Variants in POLR2J observed in about 807,000 individuals in gnomAD.
POLR2J encodes DNA-directed RNA polymerase II subunit RPB11-a.
In POLR2J, 12 loss-of-function variants were observed where a neutral mutation model predicts 13.4. The observed-to-expected ratio is 0.90, with a 90% CI of 0.57 to 1.45. The LOEUF is 1.45. Ranked by LOEUF, POLR2J falls within the 40% of genes most tolerant of loss-of-function variation. The pLI is 0.00. For synonymous variants in POLR2J, 31 were observed against 53.6 expected, an observed-to-expected ratio of 0.58 and a Z score of 1.84; for missense variants, 58 against 132.0, an observed-to-expected ratio of 0.44 and a Z score of 2.75.
intron 3 of POLR2J, chr7:102,474,053 C>A: frequency 6.9e-7 from 1 of 1,448,916 alleles, no homozygotes; most frequent in African/African-American, 1.4e-5. Context: ...CAGGCCTTGC[C>A]AATCACCAAC....
intron 3 of POLR2J, 162 bp downstream of exon 3, chr7:102,474,197 CCT>C: frequency 6.5e-7 from 1 of 1,549,882 alleles, no homozygotes; most frequent in South Asian, 1.2e-5. Flanking sequence ...CTCCACAGCC[CCT>C]CAGTCCACAT....
At position 102,473,219 on chromosome 7, in the gene POLR2J, A is replaced by T. The variant is rs1798282176; in HGVS notation, c.*430T>A. The stretch of plus-strand genomic sequence containing the variant: ...TGCAGGAAGAAGTGTTCCTGCTTTG[A>T]CTGACAGGCAGGCCCAGGAGTTGAG... On this transcript the variant is annotated 3_prime_UTR_variant, in exon 4 of 4. Coordinates refer to ENST00000292614, the MANE Select transcript of POLR2J (RefSeq NM_006234.6). The T allele has an allele frequency of 1.2e-6, 1 of 801,326 alleles. No individual in the cohort carries two copies. The highest frequency in any genetic ancestry group is 1.7e-5 in the African/African-American group (1 of 57,524). The allele number at this position is 801,326 out of a possible 1,614,324, so 49.6% of individuals were successfully genotyped here.
In POLR2J at chr7:102,478,894, T is replaced by TCCGCCG. The variant is rs760035011; in HGVS notation, c.-40_-35dup. The TCCGCCG allele has an allele frequency of 2.5e-6, 4 of 1,597,990 alleles. No homozygotes were observed. The highest frequency in any genetic ancestry group is 3.4e-5 in the Admixed American group (2 of 59,350). The stretch of plus-strand genomic sequence containing the variant: ...CGCCGTTGCGTCCAGACCCCAAGGG[T>TCCGCCG]CCGCCGCCGCCGCCACCAGAGCCCT... On this transcript the variant is annotated 5_prime_UTR_variant, in exon 1 of 4. Transcript: ENST00000292614.
In POLR2J at chr7:102,473,630, G is replaced by C; in HGVS notation, c.*19C>G. The stretch of plus-strand genomic sequence containing the variant: ...GGTAGGAACGGGGCTCACAGGCCGA[G>C]CAGAGCCCCCTCTGGCCCCTACTCA... On this transcript the variant is annotated 3_prime_UTR_variant, in exon 4 of 4. Coordinates refer to ENST00000292614, the MANE Select transcript of POLR2J (RefSeq NM_006234.6). The C allele has an allele frequency of 6.2e-7, 1 of 1,613,668 alleles. No homozygotes were observed. The highest frequency in any genetic ancestry group is 8.5e-7 in the Non-Finnish European group (1 of 1,179,896).
intron 3 of POLR2J, chr7:102,473,917 T>G: frequency 7.0e-7 from 1 of 1,435,248 alleles, no homozygotes; most frequent in Non-Finnish European, 9.1e-7. Context: ...AGCAGACGAC[T>G]CAGACGTTGA....
chr7:102,473,727 G>T, intron 3 of POLR2J, 43 bp from the exon 4 acceptor site: 1 of 1,612,736 alleles, frequency 6.2e-7, no homozygotes, highest in Non-Finnish European at 8.5e-7. Flanking sequence ...GGAACAGCTG[G>T]GGCAAGGACG....
intron 1 of POLR2J, among the ~76,000 whole-genome samples, chr7:102,478,423 G>C (rs997818260): frequency 6.7e-6 from 1 of 148,462 alleles, no homozygotes; most frequent in Non-Finnish European, 1.5e-5. Context: ...CAGGCAGCGA[G>C]GAGCCACTGC....
chr7:102,474,173 G>GCCACAGGCCCAGACT, intron 3 of POLR2J, 188 bp downstream of exon 3: 1 of 1,542,222 alleles, frequency 6.5e-7, no homozygotes. Context: ...GCAGACGGGA[G>GCCACAGGCCCAGACT]CCACAGGCCC....
In POLR2J at chr7:102,473,774, C is replaced by T. The variant is rs1020209498; in HGVS notation, c.319-90G>A. The T allele has an allele frequency of 5.7e-6, 9 of 1,575,218 alleles. No individual in the cohort carries two copies. In the Admixed American group the frequency reaches 1.5e-4, roughly 26 times the overall value. ...TGCCCAGCATCCCCCCCGCCAGGCC[C>T]TTCCTGGAGGGCAGCCATGGGCCAC... On this transcript the variant is annotated intron_variant, in intron 3 of 3. Coordinates refer to ENST00000292614, the MANE Select transcript of POLR2J (RefSeq NM_006234.6).
At chr7:102,478,761 A>G (rs1798499958) in intron 1 of POLR2J, 47 bp downstream of exon 1, 2 of 1,607,438 alleles carry the variant, frequency 1.2e-6, no homozygotes, top group East Asian at 2.2e-5. Context: ...AGAATGCGAC[A>G]GCCGCAGGCC....
At chr7:102,474,177 C>T (rs1798340814) in intron 3 of POLR2J, 184 bp downstream of exon 3, 23 of 1,543,114 alleles carry the variant, frequency 1.5e-5, no homozygotes, top group Admixed American at 2.0e-5. Flanking sequence ...ACGGGAGCCA[C>T]AGGCCCAGAC....
At chr7:102,473,995 G>T (rs1444585608) in intron 3 of POLR2J, 28 of 1,437,034 alleles carry the variant, frequency 1.9e-5, no homozygotes, top group Non-Finnish European at 2.5e-5. Flanking sequence ...GCCAGGAACA[G>T]GTGTGGGCCA....
At chr7:102,475,674 A>G (rs1347497998) in intron 2 of POLR2J, among the ~76,000 whole-genome samples, 4 of 152,274 alleles carry the variant, frequency 2.6e-5, no homozygotes, top group South Asian at 2.1e-4. Context: ...CTCTAATCCC[A>G]GCACTTTGGG....
Position 102,473,665 on chromosome 7 carries a change from T to C in POLR2J, c.338A>G (p.Gln113Arg). Residue 113 changes from glutamine (Q) to arginine (R), a missense_variant, in exon 4 of 4, where the codon CAG becomes CGG. By Grantham distance (43) the Gln-to-Arg change is conservative (BLOSUM62 1). Transcript: ENST00000292614. ...CTCTGGCCCCTACTCAATTCCTTCC[T>C]GCTTGTCTTTTATGGCCACCTGGGA... ...ERFRVAIKDKQEGIE is the reference protein window; with the variant it reads ...ERFRVAIKDKREGIE 1 of 1,613,896 alleles carries C rather than the reference T, an allele frequency of 6.2e-7. No homozygotes were observed. The highest frequency in any genetic ancestry group is 1.1e-5 in the South Asian group (1 of 91,072).
At chr7:102,474,966 C>G (rs1417189590) in intron 2 of POLR2J, among the ~76,000 whole-genome samples, 1 of 149,124 alleles carries the variant, frequency 6.7e-6, no homozygotes, top group African/African-American at 2.4e-5. Context: ...CTCCGAGCAG[C>G]ACAGCTGCCA....
chr7:102,474,972 T>A (rs62483809), intron 2 of POLR2J, among the ~76,000 whole-genome samples: 1 of 143,678 alleles, frequency 7.0e-6, no homozygotes, highest in Non-Finnish European at 1.5e-5. Context: ...GCAGCACAGC[T>A]GCCAGCGGCT....
Position 102,473,604 on chromosome 7 carries a change from A to G in POLR2J, c.*45T>C. 1 of 1,599,552 alleles carries G rather than the reference A, an allele frequency of 6.3e-7. No homozygotes were observed. Among genetic ancestry groups the G allele is most frequent in the Non-Finnish European group, 8.5e-7 (1 of 1,175,060 alleles). On this transcript the variant is annotated 3_prime_UTR_variant, in exon 4 of 4. Transcript: ENST00000292614. ...GTACCTGGAGCGGAGGGTCAGGCAC[A>G]GGTAGGAACGGGGCTCACAGGCCGA...
rs1798352949 is a variant in POLR2J at position 102,474,373 on chromosome 7, C to T, written c.306G>A (p.Glu102=). 1.2e-6 allele frequency: 2 copies of T among 1,611,830 alleles called. No individual in the cohort carries two copies. Among genetic ancestry groups the T allele is most frequent in the South Asian group, 1.1e-5 (1 of 90,974 alleles). ...GCCCCGCCCTCACCCGAAAGCGCTC[C>T]TCCAGCAGGGACAGCTCACTGATGA... ...TDLISELSLL[E]ERFRVAIKDK... Residue 102 remains glutamate (E), a synonymous_variant, in exon 3 of 4, where the codon GAG becomes GAA. Transcript: ENST00000292614.
intron 1 of POLR2J, among the ~76,000 whole-genome samples, chr7:102,476,484 A>C (rs556458987): frequency 6.7e-6 from 1 of 149,612 alleles, no homozygotes; most frequent in East Asian, 1.9e-4. Flanking sequence ...TACAAAGAAA[A>C]AAAAAATTAG....
Sources: gnomAD v4.1 joint callset for allele counts (sites outside exome capture counted in the v4.1 genomes callset) on GRCh38, gnomAD v4.1.1 for gene constraint, MANE v1.5 for transcripts, NCBI Gene and HGNC (gene_info 2026-07-23, HGNC 2026-07-21) for gene names.